Variants in SEC24A observed in about 807,000 individuals in gnomAD.
SEC24A encodes protein transport protein Sec24A.
A neutral mutation model predicts 129.4 loss-of-function variants in SEC24A; 93 were observed. That is an observed-to-expected ratio of 0.72 (90% confidence interval 0.61 to 0.85). SEC24A has a LOEUF of 0.85. Among genes scored for constraint, SEC24A ranks in the 40% least tolerant of loss-of-function variants. The pLI, the probability that SEC24A is intolerant of heterozygous loss-of-function variation, is 0.00. For synonymous variants in SEC24A, 460 were observed against 467.3 expected (o/e 0.98, Z 0.20); for missense variants, 1,264 against 1,307.4 (o/e 0.97, Z 0.51).
chr5:134,717,168 T>C (rs1233801221), intron 19 of SEC24A, among the ~76,000 whole-genome samples: 1 of 151,810 alleles, frequency 6.6e-6, no homozygotes, highest in East Asian at 2.0e-4. Flanking sequence ...CGTGAGCCAC[T>C]GTGGTGGCCT....
Position 134,715,145 on chromosome 5 carries a change from A to C in SEC24A, c.2849A>C (p.Asp950Ala). 1 of 1,609,878 alleles carries C rather than the reference A, an allele frequency of 6.2e-7. No individual in the cohort carries two copies. Among genetic ancestry groups the C allele is most frequent in the Non-Finnish European group, 8.5e-7 (1 of 1,179,030 alleles). Residue 950 changes from aspartate to alanine, a missense_variant, in exon 19 of 23, where the codon GAC becomes GCC. Physicochemically the swap from Asp to Ala is moderately radical, Grantham distance 126 (BLOSUM62 -2). Coordinates refer to ENST00000398844, the MANE Select transcript of SEC24A (RefSeq NM_021982.3). ...ACTCATCCCAGTTTGTATAGAGTTG[A>C]CAATCTCTCAGATGAGGTAAGATGG... ...LTTHPSLYRV[D>A]NLSDEGALNI...
intron 10 of SEC24A, among the ~76,000 whole-genome samples, chr5:134,687,196 T>C (rs1337180853): frequency 2.0e-5 from 3 of 152,202 alleles, no homozygotes; most frequent in African/African-American, 7.2e-5. Flanking sequence ...TTTTCCCACC[T>C]TGAGTATTTG....
chr5:134,649,773 G>C (rs535739935), intron 1 of SEC24A, among the ~76,000 whole-genome samples: 1 of 152,288 alleles, frequency 6.6e-6, no homozygotes, highest in East Asian at 1.9e-4. Context: ...TTGGAAAGTG[G>C]GTGGACACAA....
At chr5:134,656,036 A>G (rs1750231005) in intron 1 of SEC24A, among the ~76,000 whole-genome samples, 1 of 150,996 alleles carries the variant, frequency 6.6e-6, no homozygotes, top group Admixed American at 6.6e-5. Context: ...TGACTCCCAT[A>G]ATTATATCTT....
Position 134,703,889 on chromosome 5 carries a change from G to A in SEC24A, c.2397G>A (p.Gln799=). The A allele has an allele frequency of 1.2e-6, 2 of 1,609,794 alleles. No individual in the cohort carries two copies. The highest frequency in any genetic ancestry group is 1.7e-6 in the Non-Finnish European group (2 of 1,176,482). Residue 799 remains glutamine, a synonymous_variant, in exon 16 of 23, where the codon CAG becomes CAA. Transcript: ENST00000398844. ...MSVEESLTDT[Q]LVSFQSALLY... Reference sequence around the variant, plus strand: ...TGGAAGAGAGTCTTACTGACACTCAGTTGGTTTCTTTTCAGTCAGCACTCT... The same window carrying A: ...TGGAAGAGAGTCTTACTGACACTCAATTGGTTTCTTTTCAGTCAGCACTCT...
At position 134,695,879 on chromosome 5, in the gene SEC24A, G is replaced by A. The variant is rs190724187; in HGVS notation, c.1987-1247G>A. Among the ~76,000 whole-genome samples the A allele has an allele frequency of 3.6e-3, 544 of 150,864 alleles. 3 individuals are homozygous for A. The highest frequency in any genetic ancestry group is 0.012 in the African/African-American group (512 of 41,076). ...TGAGGCATGAGAATTGCTTGAACCC[G>A]GGAGGCAGTGAGCTGAGATCACGCC... On this transcript the variant is annotated intron_variant, in intron 13 of 22. Transcript: ENST00000398844.
At chr5:134,706,938 C>T (rs971814561) in intron 17 of SEC24A, among the ~76,000 whole-genome samples, 1 of 152,048 alleles carries the variant, frequency 6.6e-6, no homozygotes, top group Non-Finnish European at 1.5e-5. Flanking sequence ...ATCCACCCAC[C>T]TCGGCCTCCC....
intron 15 of SEC24A, among the ~76,000 whole-genome samples, chr5:134,699,319 C>T (rs1316186635): frequency 5.3e-5 from 7 of 131,784 alleles, no homozygotes; most frequent in Admixed American, 5.3e-4. Context: ...TTTTTTGAGA[C>T]GGACTGTCTC....
At chr5:134,697,757 C>CA (rs980857327) in intron 14 of SEC24A, 142 bp from the exon 15 acceptor site, 4 of 893,322 alleles carry the variant, frequency 4.5e-6, no homozygotes, top group Non-Finnish European at 6.7e-6. Context: ...GACTCTGTCT[C>CA]AAAAAAAGGG....
intron 19 of SEC24A, chr5:134,715,362 A>G: frequency 2.1e-6 from 1 of 483,194 alleles, no homozygotes; most frequent in Non-Finnish European, 3.5e-6. Context: ...TTCCTAAAAT[A>G]CCATCTGTAG....
At chr5:134,704,509 CAATT>C (rs1285299890) in intron 16 of SEC24A, among the ~76,000 whole-genome samples, 2 of 152,080 alleles carry the variant, frequency 1.3e-5, no homozygotes, top group African/African-American at 2.4e-5. Flanking sequence ...ATAGTTAAAA[CAATT>C]AAAAGAAGTA....
intron 12 of SEC24A, 102 bp downstream of exon 12, chr5:134,692,759 CTAAGA>C (rs1751700313): frequency 1.2e-6 from 1 of 811,894 alleles, no homozygotes; most frequent in Non-Finnish European, 2.1e-6. Flanking sequence ...TGTGACATTT[CTAAGA>C]TGTGTAGCAT....
At chr5:134,724,602 A>AG (rs1752715653) in intron 22 of SEC24A, among the ~76,000 whole-genome samples, 1 of 151,874 alleles carries the variant, frequency 6.6e-6, no homozygotes, top group Non-Finnish European at 1.5e-5. Flanking sequence ...AAAAAAAAAA[A>AG]GGCTCGGTAG....
intron 11 of SEC24A, among the ~76,000 whole-genome samples, chr5:134,689,682 A>C (rs1323669807): frequency 6.6e-6 from 1 of 151,800 alleles, no homozygotes; most frequent in East Asian, 1.9e-4. Context: ...AATGGCGTGA[A>C]CTCGGGAGGA....
intron 15 of SEC24A, among the ~76,000 whole-genome samples, chr5:134,702,450 G>A (rs1013045657): frequency 2.0e-5 from 3 of 152,144 alleles, no homozygotes; most frequent in African/African-American, 4.8e-5. Flanking sequence ...ATGTGTATGC[G>A]ACACATACAC....
At chr5:134,676,270 G>A in intron 7 of SEC24A, 145 bp downstream of exon 7, 1 of 556,680 alleles carries the variant, frequency 1.8e-6, no homozygotes, top group Non-Finnish European at 3.1e-6. Context: ...CTCCCTAGTA[G>A]CTGGGATTAC....
intron 10 of SEC24A, among the ~76,000 whole-genome samples, chr5:134,687,859 T>C (rs997199131): frequency 6.6e-6 from 1 of 152,230 alleles, no homozygotes; most frequent in Non-Finnish European, 1.5e-5. Context: ...CTTAAAATCA[T>C]CTGCAAAATT....
intron 4 of SEC24A, among the ~76,000 whole-genome samples, chr5:134,674,066 G>A (rs1488609591): frequency 1.3e-5 from 2 of 152,128 alleles, no homozygotes; most frequent in African/African-American, 4.8e-5. Flanking sequence ...CCGGGAGGTA[G>A]AGGTTGCAGT....
chr5:134,654,208 C>CA (rs1312392678), intron 1 of SEC24A, among the ~76,000 whole-genome samples: 2 of 147,000 alleles, frequency 1.4e-5, no homozygotes, highest in African/African-American at 5.0e-5. Context: ...TAGCCTTTTT[C>CA]AAAAAAAAAA....
Sources: allele counts gnomAD v4.1 joint callset (sites outside exome capture counted in the v4.1 genomes callset), GRCh38; gene constraint gnomAD v4.1.1; transcripts MANE v1.5; gene names NCBI Gene and HGNC (gene_info 2026-07-23, HGNC 2026-07-21).